NRXN3: variants seen among roughly 807,000 people sequenced by gnomAD.
NRXN3 encodes neurexin III.
A neutral mutation model predicts 137.6 loss-of-function variants in NRXN3; 32 were observed. The observed-to-expected ratio is 0.23, with a 90% CI of 0.18 to 0.31. The LOEUF (loss-of-function observed/expected upper bound fraction) is 0.31. NRXN3 is among the 10% of genes least tolerant of loss of function. The pLI, the probability that NRXN3 is intolerant of heterozygous loss-of-function variation, is 1.00. For missense variants in NRXN3, 1,574 were observed against 2,062.5 expected (o/e 0.76, Z 4.59); for synonymous variants, 798 against 784.5 (o/e 1.02, Z -0.29).
chr14:79,438,437 T>G (rs1212186379), intron 15 of NRXN3, among the ~76,000 whole-genome samples: 1 of 152,194 alleles, frequency 6.6e-6, no homozygotes, highest in African/African-American at 2.4e-5. Flanking sequence ...AAGGGCGGCT[T>G]CCAAAGTGGT....
chr14:78,444,134 G>A (rs1362388528), intron 4 of NRXN3, among the ~76,000 whole-genome samples: 2 of 152,210 alleles, frequency 1.3e-5, no homozygotes, highest in Non-Finnish European at 2.9e-5. Flanking sequence ...CCACTTTAGT[G>A]GGAAGGGAAA....
intron 19 of NRXN3, among the ~76,000 whole-genome samples, chr14:79,778,423 A>G (rs1482102626): frequency 6.6e-6 from 1 of 152,212 alleles, no homozygotes; most frequent in Non-Finnish European, 1.5e-5. Flanking sequence ...CTCAAAACAA[A>G]AAAACAAAAC....
rs34493154 is a variant in NRXN3, at chr14:79,790,615, C to CTTTTT, written c.4015-14478_4015-14474dup. Among the ~76,000 whole-genome samples, 53 of 73,128 alleles carry CTTTTT rather than the reference C, an allele frequency of 7.2e-4. 2 individuals carry two copies. The highest frequency in any genetic ancestry group is 1.2e-3 in the African/African-American group (21 of 17,444). 48.0% of individuals were successfully genotyped at this position (73,128 alleles called of 152,430 possible). A position where few individuals can be genotyped will look rare whatever the true frequency, so the allele number is the denominator to read the frequency against. On this transcript the variant is annotated intron_variant, in intron 19 of 20. Coordinates refer to ENST00000335750, the MANE Select transcript of NRXN3 (RefSeq NM_001330195.2). Reference sequence around the variant, plus strand: ...TGGGCCACTGTGTCTGGCCCAGGCTCTTTTTTTTTTTTTTTTTTTTTTTGA... The same window carrying CTTTTT: ...TGGGCCACTGTGTCTGGCCCAGGCTCTTTTTTTTTTTTTTTTTTTTTTTTTTTTGA...
At chr14:79,448,172 T>G (rs1457118162) in intron 15 of NRXN3, among the ~76,000 whole-genome samples, 1 of 152,142 alleles carries the variant, frequency 6.6e-6, no homozygotes, top group Non-Finnish European at 1.5e-5. Flanking sequence ...CAAGCACCCT[T>G]TAACTTCCTT....
At chr14:79,665,875 G>T (rs1336752657) in intron 17 of NRXN3, among the ~76,000 whole-genome samples, 2 of 152,024 alleles carry the variant, frequency 1.3e-5, no homozygotes, top group African/African-American at 4.8e-5. Flanking sequence ...TAATAGCATT[G>T]CTCCCTCCTG....
At chr14:78,639,251 A>C (rs1345943498) in intron 4 of NRXN3, among the ~76,000 whole-genome samples, 1 of 152,212 alleles carries the variant, frequency 6.6e-6, no homozygotes, top group African/African-American at 2.4e-5. Context: ...ATGAATACAG[A>C]CTAAAGTACT....
chr14:78,378,220 C>A (rs571916503), intron 4 of NRXN3, among the ~76,000 whole-genome samples: 1 of 152,178 alleles, frequency 6.6e-6, no homozygotes, highest in Non-Finnish European at 1.5e-5. Context: ...AACGGTGGCT[C>A]ACGCCTATAA....
rs927481986 is a variant in NRXN3 at position 78,847,096 on chromosome 14, C to T, written c.2275+36752C>T. On this transcript the variant is annotated intron_variant, in intron 10 of 20. Transcript: ENST00000335750. ...AATCTTTTTCTTTCAGCACACCTTCCGTCTCTGCAGCTCTTACCTCTACCT... is the reference window on the plus strand; with the variant it reads ...AATCTTTTTCTTTCAGCACACCTTCTGTCTCTGCAGCTCTTACCTCTACCT... 8.5e-5 allele frequency among the ~76,000 whole-genome samples: 13 copies of T among 152,062 alleles called. No individual in the cohort carries two copies. In the East Asian group the frequency reaches 1.4e-3, roughly 16 times the overall value.
At chr14:78,484,723 G>C (rs902417891) in intron 4 of NRXN3, among the ~76,000 whole-genome samples, 1 of 152,182 alleles carries the variant, frequency 6.6e-6, no homozygotes, top group Non-Finnish European at 1.5e-5. Context: ...GCATACCAGT[G>C]ATCTGGTGTG....
At chr14:79,600,802 T>A (rs1271459482) in intron 16 of NRXN3, among the ~76,000 whole-genome samples, 2 of 151,904 alleles carry the variant, frequency 1.3e-5, no homozygotes, top group African/African-American at 2.4e-5. Flanking sequence ...AAATGGCTAA[T>A]TCTAGCACAG....
At chr14:78,424,443 G>C (rs1004174535) in intron 4 of NRXN3, among the ~76,000 whole-genome samples, 1 of 152,198 alleles carries the variant, frequency 6.6e-6, no homozygotes, top group Non-Finnish European at 1.5e-5. Flanking sequence ...TGGACAGACT[G>C]TTGGAACAAA....
chr14:78,303,753 T>C (rs1256997851), intron 4 of NRXN3, among the ~76,000 whole-genome samples: 2 of 152,170 alleles, frequency 1.3e-5, no homozygotes, highest in Non-Finnish European at 2.9e-5. Context: ...AACATGCTTC[T>C]CCCTCTTATC....
intron 20 of NRXN3, among the ~76,000 whole-genome samples, chr14:79,830,101 A>G (rs1320556503): frequency 6.6e-6 from 1 of 152,214 alleles, no homozygotes; most frequent in Non-Finnish European, 1.5e-5. Flanking sequence ...CATTGTTACC[A>G]TATAAATGAC....
chr14:78,715,575 C>A lies in NRXN3; in HGVS notation c.2044+436C>A, dbSNP rs2098427615. Among the ~76,000 whole-genome samples, 2 of 152,060 alleles carry A rather than the reference C, an allele frequency of 1.3e-5. 1 individual carries two copies. The highest frequency in any genetic ancestry group is 1.3e-4 in the Admixed American group (2 of 15,254). On this transcript the variant is annotated intron_variant, in intron 8 of 20. Coordinates refer to ENST00000335750, the MANE Select transcript of NRXN3 (RefSeq NM_001330195.2). ...TCGCTGTTTTTATGGAGCTTGCTGC[C>A]TAGTGGAATATTTAGCCATTAAATA...
intron 10 of NRXN3, among the ~76,000 whole-genome samples, chr14:78,943,998 C>T (rs951102326): frequency 2.0e-5 from 3 of 151,948 alleles, no homozygotes; most frequent in Non-Finnish European, 4.4e-5. Context: ...GTGAGAGAGA[C>T]ATTCCAGAGT....
At chr14:78,181,378 G>A (rs777829372) in intron 1 of NRXN3, among the ~76,000 whole-genome samples, 4 of 152,162 alleles carry the variant, frequency 2.6e-5, no homozygotes, top group Non-Finnish European at 4.4e-5. Flanking sequence ...GGTCTCCTTT[G>A]TTCCATGCAC....
chr14:79,358,921 A>G (rs2093586358), intron 15 of NRXN3, among the ~76,000 whole-genome samples: 2 of 152,208 alleles, frequency 1.3e-5, no homozygotes, highest in Admixed American at 1.3e-4. Context: ...GGCAAAGGGG[A>G]AAAATGTTCA....
intron 4 of NRXN3, among the ~76,000 whole-genome samples, chr14:78,617,326 T>C (rs1014133410): frequency 6.6e-6 from 1 of 152,190 alleles, no homozygotes; most frequent in African/African-American, 2.4e-5. Context: ...CCATCCCACG[T>C]GACCCATAGA....
chr14:78,614,379 TGAA>T (rs2097328110), intron 4 of NRXN3, among the ~76,000 whole-genome samples: 1 of 152,138 alleles, frequency 6.6e-6, no homozygotes. Context: ...CCCAATCTAG[TGAA>T]AAAGCCTACT....
Sources: allele counts gnomAD v4.1 joint callset (sites outside exome capture counted in the v4.1 genomes callset), GRCh38; gene constraint gnomAD v4.1.1; transcripts MANE v1.5; gene names NCBI Gene and HGNC (gene_info 2026-07-23, HGNC 2026-07-21).